The following FBXL7 variants were observed in gnomAD, a reference collection of about 807,000 sequenced individuals.
FBXL7 encodes F-box and leucine rich repeat protein 7.
Under a neutral mutation model 38.3 loss-of-function variants are expected in FBXL7, and 12 were observed. The ratio of observed to expected loss-of-function variants is 0.31; its 90% CI spans 0.20 to 0.51. The LOEUF is 0.51. Among genes scored for constraint, FBXL7 ranks in the 20% least tolerant of loss-of-function variants. The pLI is 0.98. For synonymous variants in FBXL7, 297 were observed against 300.9 expected (o/e 0.99, Z 0.13); for missense variants, 567 against 676.4 (o/e 0.84, Z 1.79).
chr5:15,581,720 TTCTTTCCC>T (rs1268768514), intron 1 of FBXL7, among the ~76,000 whole-genome samples: 2 of 152,038 alleles, frequency 1.3e-5, no homozygotes, highest in East Asian at 1.9e-4. Context: ...GTCTGTCTCC[TTCTTTCCC>T]TCTTTCCCTC....
chr5:15,524,959 A>G (rs888172544), intron 1 of FBXL7, among the ~76,000 whole-genome samples: 17 of 152,190 alleles, frequency 1.1e-4, no homozygotes, highest in Admixed American at 5.9e-4. Context: ...CATCCGCCCT[A>G]CTAGGTTCAA....
intron 2 of FBXL7, among the ~76,000 whole-genome samples, chr5:15,811,460 CA>C (rs1737856709): frequency 6.6e-6 from 1 of 151,954 alleles, no homozygotes; most frequent in Non-Finnish European, 1.5e-5. Flanking sequence ...TTTATAAGAA[CA>C]GAAGTCATAT....
intron 2 of FBXL7, among the ~76,000 whole-genome samples, chr5:15,661,567 T>A (rs1742076191): frequency 6.6e-6 from 1 of 152,204 alleles, no homozygotes; most frequent in Admixed American, 6.5e-5. Flanking sequence ...TTAATGATAT[T>A]TAAGTTTGAA....
intron 2 of FBXL7, among the ~76,000 whole-genome samples, chr5:15,876,675 A>G (rs572920685): frequency 1.3e-5 from 2 of 152,192 alleles, no homozygotes; most frequent in South Asian, 4.1e-4. Context: ...ATTAACCTGT[A>G]TCTATTTTTT....
chr5:15,788,115 C>T (rs1337546646), intron 2 of FBXL7, among the ~76,000 whole-genome samples: 1 of 152,132 alleles, frequency 6.6e-6, no homozygotes, highest in Non-Finnish European at 1.5e-5. Context: ...CCCGGTGTGT[C>T]TCTGTGTCCT....
At chr5:15,533,476 G>GA (rs1737485776) in intron 1 of FBXL7, among the ~76,000 whole-genome samples, 1 of 152,150 alleles carries the variant, frequency 6.6e-6, no homozygotes, top group Non-Finnish European at 1.5e-5. Flanking sequence ...ATTAGATACA[G>GA]AAATGGGTAA....
At chr5:15,830,981 G>A (rs1022320782) in intron 2 of FBXL7, among the ~76,000 whole-genome samples, 1 of 152,072 alleles carries the variant, frequency 6.6e-6, no homozygotes, top group Non-Finnish European at 1.5e-5. Flanking sequence ...AAGCAGCAAG[G>A]CCTCAGTCCT....
In FBXL7 at chr5:15,928,214, C is replaced by T. The variant is rs897100863; in HGVS notation, c.452C>T (p.Pro151Leu). The change falls in exon 3 of 4, where the codon CCG becomes CTG. Residue 151 changes from proline (P) to leucine (L), a missense_variant. Coordinates refer to ENST00000504595, the MANE Select transcript of FBXL7 (RefSeq NM_012304.5). The surrounding 1 kb of genome is among the most constrained non-coding windows in gnomAD (Gnocchi z 4.0). ...CGCTGGTACAACCTGGCCTGGGACCCGCGGCTCTGGAGGACTATCCGCCTG... is the reference window on the plus strand; with the variant it reads ...CGCTGGTACAACCTGGCCTGGGACCTGCGGCTCTGGAGGACTATCCGCCTG... ...CRRWYNLAWD[P>L]RLWRTIRLTG... The T allele has an allele frequency of 1.9e-5, 31 of 1,609,872 alleles. No homozygotes were observed. The highest frequency in any genetic ancestry group is 2.5e-5 in the Non-Finnish European group (30 of 1,178,414).
chr5:15,620,813 G>T (rs1740613863), intron 2 of FBXL7, among the ~76,000 whole-genome samples: 1 of 152,172 alleles, frequency 6.6e-6, no homozygotes, highest in Non-Finnish European at 1.5e-5. Context: ...GAAGAATTGT[G>T]AGATTGTAGA....
In FBXL7 at chr5:15,673,686, C is replaced by G. The variant is rs112916740; in HGVS notation, c.127+57614C>G. Reference sequence around the variant, plus strand: ...GCCACAGAAAAAAGTTAATCTTGTCCTTTTAGTTATACCTCATTTTTGACC... The same window carrying G: ...GCCACAGAAAAAAGTTAATCTTGTCGTTTTAGTTATACCTCATTTTTGACC... On this transcript the variant is annotated intron_variant, in intron 2 of 3. Transcript: ENST00000504595. 9.8e-3 allele frequency among the ~76,000 whole-genome samples: 1,499 copies of G among 152,232 alleles called. 15 individuals carry two copies. The highest frequency in any genetic ancestry group is 0.015 in the Non-Finnish European group (997 of 68,000).
chr5:15,670,304 A>G (rs1742423795), intron 2 of FBXL7, among the ~76,000 whole-genome samples: 1 of 152,194 alleles, frequency 6.6e-6, no homozygotes, highest in African/African-American at 2.4e-5. Context: ...CATCGACCAT[A>G]TGACTGAATC....
intron 1 of FBXL7, among the ~76,000 whole-genome samples, chr5:15,605,377 CACAG>C (rs1464334985): frequency 6.6e-6 from 1 of 152,126 alleles, no homozygotes; most frequent in Non-Finnish European, 1.5e-5. Flanking sequence ...ATGGTATACA[CACAG>C]AGTAGAATAT....
intron 1 of FBXL7, among the ~76,000 whole-genome samples, chr5:15,611,211 A>G (rs2217346): frequency 0.37 from 55,503 of 151,912 alleles, 10,468 homozygotes; most frequent in East Asian, 0.52. Flanking sequence ...GTTGCGCAAC[A>G]CACACCTTCC....
rs557921881 is a variant in FBXL7 at position 15,757,258 on chromosome 5, A to G, written c.127+141186A>G. On this transcript the variant is annotated intron_variant, in intron 2 of 3. Coordinates refer to ENST00000504595, the MANE Select transcript of FBXL7 (RefSeq NM_012304.5). ...TGTGGGTAAGAAAAATTATTGAAATAATGTAGGAATAACTCAAAACCAGAG... is the reference window on the plus strand; with the variant it reads ...TGTGGGTAAGAAAAATTATTGAAATGATGTAGGAATAACTCAAAACCAGAG... 1.2e-4 allele frequency among the ~76,000 whole-genome samples: 19 copies of G among 152,246 alleles called. No homozygotes were observed. The South Asian group carries it at 3.9e-3, about 32-fold the overall frequency.
chr5:15,541,467 A>G (rs1737750179), intron 1 of FBXL7, among the ~76,000 whole-genome samples: 2 of 126,154 alleles, frequency 1.6e-5, no homozygotes, highest in Admixed American at 1.6e-4. Context: ...ATATATATAT[A>G]TATATATATA....
At chr5:15,710,301 C>T (rs1743821675) in intron 2 of FBXL7, among the ~76,000 whole-genome samples, 1 of 152,142 alleles carries the variant, frequency 6.6e-6, no homozygotes, top group African/African-American at 2.4e-5. Context: ...GCACACTCTG[C>T]TCCTTCCACT....
intron 2 of FBXL7, among the ~76,000 whole-genome samples, chr5:15,911,433 T>G (rs1176114118): frequency 7.1e-6 from 1 of 139,942 alleles, no homozygotes; most frequent in Non-Finnish European, 1.5e-5. Context: ...CTTCTAAATT[T>G]TTTTCAACGT....
At chr5:15,846,054 C>A (rs1224781877) in intron 2 of FBXL7, among the ~76,000 whole-genome samples, 2 of 152,220 alleles carry the variant, frequency 1.3e-5, no homozygotes, top group African/African-American at 4.8e-5. Context: ...AATATATCCA[C>A]TATGGTGTGT....
intron 2 of FBXL7, among the ~76,000 whole-genome samples, chr5:15,914,747 T>G (rs1319282451): frequency 6.6e-6 from 1 of 152,128 alleles, no homozygotes; most frequent in Non-Finnish European, 1.5e-5. Flanking sequence ...TGAAAGTGAT[T>G]TGTGGTAGGA....
Sources: allele counts gnomAD v4.1 joint callset (sites outside exome capture counted in the v4.1 genomes callset), GRCh38; gene constraint gnomAD v4.1.1; non-coding constraint Gnocchi (gnomAD v3.1); transcripts MANE v1.5; gene names NCBI Gene and HGNC (gene_info 2026-07-23, HGNC 2026-07-21).